Variants in DLG2 observed in about 807,000 individuals in gnomAD.
DLG2 encodes the protein disks large homolog 2.
Under a neutral mutation model 132.5 loss-of-function variants are expected in DLG2, and 45 were observed. The ratio of observed to expected loss-of-function variants is 0.34; its 90% confidence interval spans 0.27 to 0.44. The LOEUF is 0.44. DLG2 is among the 20% of genes least tolerant of loss of function. The pLI is 1.00. For synonymous variants in DLG2, 424 were observed against 419.6 expected, an observed-to-expected ratio of 1.01 and a Z score of -0.13; for missense variants, 1,045 against 1,196.9, an observed-to-expected ratio of 0.87 and a Z score of 1.87.
intron 8 of DLG2, among the ~76,000 whole-genome samples, chr11:84,249,283 T>C (rs980718806): frequency 1.3e-5 from 2 of 152,218 alleles, no homozygotes; most frequent in Non-Finnish European, 2.9e-5. Flanking sequence ...ATCCCTGTCC[T>C]GAATATATTG....
intron 7 of DLG2, among the ~76,000 whole-genome samples, chr11:84,516,136 G>T (rs544250876): frequency 7.9e-4 from 113 of 142,770 alleles, no homozygotes; most frequent in Admixed American, 1.6e-3. Flanking sequence ...CAAAAAAAAA[G>T]ATCTCAAATA....
At chr11:83,817,215 A>G (rs1278888199) in intron 17 of DLG2, among the ~76,000 whole-genome samples, 1 of 152,320 alleles carries the variant, frequency 6.6e-6, no homozygotes, top group East Asian at 1.9e-4. Flanking sequence ...GGGATATACA[A>G]AGCACATTAA....
intron 9 of DLG2, among the ~76,000 whole-genome samples, chr11:84,111,770 A>C (rs1008025189): frequency 1.3e-5 from 2 of 152,136 alleles, no homozygotes; most frequent in Non-Finnish European, 2.9e-5. Flanking sequence ...AGTTGGGGAG[A>C]TGTGCCATAT....
chr11:85,385,143 A>G (rs540277224), intron 3 of DLG2, among the ~76,000 whole-genome samples: 1 of 152,220 alleles, frequency 6.6e-6, no homozygotes, highest in Non-Finnish European at 1.5e-5. Context: ...CTCAATCATT[A>G]GTACAAAATT....
chr11:85,292,369 T>C (rs77753227), intron 3 of DLG2, among the ~76,000 whole-genome samples: 5,314 of 151,750 alleles, frequency 0.035, 143 homozygotes, highest in Admixed American at 0.049. Flanking sequence ...GGGACTGAAG[T>C]TGAATGTAGA....
chr11:84,777,733 A>G (rs1363473604), intron 6 of DLG2, among the ~76,000 whole-genome samples: 5 of 151,956 alleles, frequency 3.3e-5, no homozygotes, highest in Non-Finnish European at 7.4e-5. Context: ...GCATTATTTC[A>G]TATACCAGTT....
chr11:83,462,231 C>T (rs2090162068), intron 26 of DLG2, 138 bp from the exon 27 acceptor site: 1 of 602,144 alleles, frequency 1.7e-6, no homozygotes, highest in South Asian at 2.1e-5. Flanking sequence ...ATTCAGGACT[C>T]CTCTGTGCTG....
At chr11:83,753,823 T>TGG (rs1251869621) in intron 18 of DLG2, among the ~76,000 whole-genome samples, 8 of 69,440 alleles carry the variant, frequency 1.2e-4, no homozygotes, top group African/African-American at 8.2e-4. Context: ...TATATATATT[T>TGG]CATATATATA....
At chr11:84,697,942 T>G (rs963299903) in intron 6 of DLG2, among the ~76,000 whole-genome samples, 1 of 151,484 alleles carries the variant, frequency 6.6e-6, no homozygotes, top group African/African-American at 2.4e-5. Flanking sequence ...ATGACACCTT[T>G]TGAAAAAAAC....
chr11:84,174,014 C>CTTTTTTTTTTTTTTTTTTTTTTTTTTT lies in DLG2; in HGVS notation c.574-10504_574-10503insAAAAAAAAAAAAAAAAAAAAAAAAAAA, dbSNP rs11338428. On this transcript the variant is annotated intron_variant, in intron 8 of 27. Transcript: ENST00000376104. ...CTGAGTTTTGACTTCACCCCCCGGCCTTTTTTTTTTTTTTTTTTTTTTCTG... is the reference window on the plus strand; with the variant it reads ...CTGAGTTTTGACTTCACCCCCCGGCCTTTTTTTTTTTTTTTTTTTTTTTTTTTTTTTTTTTTTTTTTTTTTTTTTCTG... Among the ~76,000 whole-genome samples the CTTTTTTTTTTTTTTTTTTTTTTTTTTT allele has an allele frequency of 2.6e-4, 16 of 61,202 alleles. 3 individuals are homozygous for CTTTTTTTTTTTTTTTTTTTTTTTTTTT. The highest frequency in any genetic ancestry group is 1.0e-3 in the African/African-American group (16 of 15,362). The allele number at this position is 61,202 out of a possible 152,430, so 40.2% of individuals were successfully genotyped here.
chr11:85,015,741 C>T (rs144785056), intron 6 of DLG2, among the ~76,000 whole-genome samples: 106 of 152,124 alleles, frequency 7.0e-4, no homozygotes, highest in African/African-American at 2.3e-3. Context: ...CTCAGTAAAC[C>T]GTAGCTATTT....
At chr11:84,991,523 A>AAAAG (rs148918946) in intron 6 of DLG2, among the ~76,000 whole-genome samples, 25,225 of 115,452 alleles carry the variant, frequency 0.22, 2,665 homozygotes, top group East Asian at 0.37. Flanking sequence ...AAAAAAAAAA[A>AAAAG]AAAGAAAGAA....
chr11:85,068,634 G>T (rs1228481512), intron 6 of DLG2, among the ~76,000 whole-genome samples: 1 of 151,942 alleles, frequency 6.6e-6, no homozygotes, highest in Admixed American at 6.6e-5. Flanking sequence ...ACAAACCACT[G>T]CTCAAGGAAA....
chr11:84,869,401 A>G (rs909731318), intron 6 of DLG2, among the ~76,000 whole-genome samples: 2 of 152,222 alleles, frequency 1.3e-5, no homozygotes, highest in Admixed American at 6.5e-5. Context: ...CAAGATGACA[A>G]GGATGAGTTA....
chr11:84,755,683 G>T (rs1291747454), intron 6 of DLG2, among the ~76,000 whole-genome samples: 1 of 152,156 alleles, frequency 6.6e-6, no homozygotes, highest in Non-Finnish European at 1.5e-5. Context: ...TCGGCCTCCC[G>T]AAGTGCTGGG....
intron 6 of DLG2, among the ~76,000 whole-genome samples, chr11:84,827,987 T>C (rs761762214): frequency 6.6e-6 from 1 of 151,818 alleles, no homozygotes; most frequent in Non-Finnish European, 1.5e-5. Context: ...ATATATGCCA[T>C]GTGTATGCTC....
chr11:85,487,299 T>A (rs962003573), intron 3 of DLG2, among the ~76,000 whole-genome samples: 4 of 150,796 alleles, frequency 2.7e-5, no homozygotes, highest in Admixed American at 6.6e-5. Flanking sequence ...ACACAACAAT[T>A]CCCTGAAATA....
At chr11:83,978,937 G>T (rs1427026073) in intron 12 of DLG2, among the ~76,000 whole-genome samples, 2 of 152,036 alleles carry the variant, frequency 1.3e-5, no homozygotes, top group African/African-American at 2.4e-5. Flanking sequence ...TTGAAACCCA[G>T]TTTTGTCCAT....
chr11:84,919,410 T>G (rs2092652165), intron 6 of DLG2, among the ~76,000 whole-genome samples: 1 of 152,196 alleles, frequency 6.6e-6, no homozygotes, highest in South Asian at 2.1e-4. Flanking sequence ...TACACTCTTT[T>G]TCTTAAAAGT....
Sources: allele counts gnomAD v4.1 joint callset (sites outside exome capture counted in the v4.1 genomes callset), GRCh38; gene constraint gnomAD v4.1.1; transcripts MANE v1.5; gene names NCBI Gene and HGNC (gene_info 2026-07-23, HGNC 2026-07-21).